The following PDK3 variants were observed in gnomAD, a reference collection of about 807,000 sequenced individuals.
PDK3 encodes the protein pyruvate dehydrogenase kinase 3.
A neutral mutation model predicts 32.0 loss-of-function variants in PDK3; 12 were observed. That is an observed-to-expected ratio of 0.37 (90% confidence interval 0.24 to 0.61). The LOEUF is 0.61. Ranked by LOEUF, PDK3 falls within the 20% of genes least tolerant of loss-of-function variation. The probability of loss-of-function intolerance (pLI) is 0.65; values close to 1 mark genes in which losing one functional copy is unlikely to be tolerated. For synonymous variants in PDK3, 122 were observed against 116.3 expected (o/e 1.05, Z -0.31); for missense variants, 188 against 316.9 (o/e 0.59, Z 3.09).
chrX:24,475,034 T>C (rs147286872), intron 1 of PDK3, among the ~76,000 whole-genome samples: 3,580 of 111,952 alleles, frequency 0.032, 89 homozygotes, highest in South Asian at 0.21. Flanking sequence ...TTTTGCTCCT[T>C]GAAGCCTGAT....
downstream of PDK3, among the ~76,000 whole-genome samples, chrX:24,538,813 T>A (rs1484080536): frequency 9.0e-6 from 1 of 111,484 alleles, no homozygotes; most frequent in Non-Finnish European, 1.9e-5. Context: ...ATTCCATATT[T>A]TTTAGTATAT....
chrX:24,491,072 G>T (rs111261580), intron 1 of PDK3, among the ~76,000 whole-genome samples: 2,215 of 110,102 alleles, frequency 0.02, 62 homozygotes, highest in African/African-American at 0.069. Context: ...CAACAGTTTG[G>T]GAGGCCGAGG....
At chrX:24,490,184 C>G (rs1450489042) in intron 1 of PDK3, among the ~76,000 whole-genome samples, 2 of 111,817 alleles carry the variant, frequency 1.8e-5, no homozygotes, top group African/African-American at 6.5e-5. Flanking sequence ...TGCCACATTG[C>G]CCAGGCTGGT....
At chrX:24,482,584 C>T (rs1921291551) in intron 1 of PDK3, among the ~76,000 whole-genome samples, 1 of 111,928 alleles carries the variant, frequency 8.9e-6, no homozygotes, top group African/African-American at 3.2e-5. Flanking sequence ...TCTCTATTAG[C>T]AATGCTGAGG....
intron 1 of PDK3, among the ~76,000 whole-genome samples, chrX:24,487,116 C>G (rs1921420697): frequency 8.9e-6 from 1 of 112,643 alleles, no homozygotes; most frequent in Non-Finnish European, 1.9e-5. Flanking sequence ...AAAGTAGAAA[C>G]TAAGTTTTTA....
chrX:24,517,774 A>G (rs1922293503), intron 5 of PDK3, among the ~76,000 whole-genome samples: 1 of 111,774 alleles, frequency 8.9e-6, no homozygotes, highest in African/African-American at 3.3e-5. Flanking sequence ...CTTTTATTTT[A>G]TCCTTTAAAA....
rs777866546 is a variant in PDK3 at position 24,541,667 on chromosome X, GTTC to G, written c.*2508_*2510del. 2.2e-4 allele frequency among the ~76,000 whole-genome samples: 25 copies of G among 112,597 alleles called. No individual in the cohort carries two copies. The South Asian group carries it at 4.8e-3, about 22-fold the overall frequency. ...CAAGAAGAGTTTCAGGAACATCTGT[GTTC>G]TTCTGGCTTACTAGCCTCTTTACCC... On this transcript the variant is annotated 3_prime_UTR_variant, in exon 12 of 12. Coordinates refer to the PDK3 transcript ENST00000568479.
intron 3 of PDK3, 105 bp downstream of exon 3, chrX:24,499,005 A>C: frequency 2.3e-6 from 1 of 438,641 alleles, no homozygotes. Context: ...ATGTGGACAA[A>C]AGCGTTCATT....
In PDK3 at chrX:24,518,933, A is replaced by G. The variant is rs776972682; in HGVS notation, c.596A>G (p.Asp199Gly). 5 of 1,181,719 alleles carry G rather than the reference A, an allele frequency of 4.2e-6. No homozygotes were observed. In the African/African-American group the frequency reaches 8.9e-5, roughly 21 times the overall value. The change falls in exon 6 of 11, where the codon GAT becomes GGT. Residue 199 changes from aspartate to glycine, a missense_variant and splice_region_variant. Coordinates refer to ENST00000379162, the MANE Select transcript of PDK3 (RefSeq NM_005391.5). ...PTCNVADVVKDAYETAKMLCE... is the reference protein window; with the variant it reads ...PTCNVADVVKGAYETAKMLCE... ...GCTAAACTTTTTCCTTTTCTTGCAG[A>G]TGCATATGAAACAGCCAAGATGCTG... is the stretch of plus-strand genomic sequence containing the variant.
chrX:24,539,144 A>G, downstream of PDK3: 1 of 1,124,324 alleles, frequency 8.9e-7, no homozygotes, highest in South Asian at 1.9e-5. Flanking sequence ...AGACAAGATC[A>G]AGACTAATAG....
At chrX:24,472,765 G>A (rs1198014277) in intron 1 of PDK3, among the ~76,000 whole-genome samples, 2 of 90,069 alleles carry the variant, frequency 2.2e-5, no homozygotes, top group Non-Finnish European at 4.1e-5. Flanking sequence ...TGGGCTCACC[G>A]CAACCTCCGC....
At chrX:24,539,376 A>G, downstream of PDK3, 1 of 398,166 alleles carries the variant, frequency 2.5e-6, no homozygotes, top group Non-Finnish European at 4.4e-6. Context: ...TTTTAATGAC[A>G]TCTTGCTGTG....
intron 3 of PDK3, 89 bp from the exon 4 acceptor site, chrX:24,503,238 G>A (rs909016867): frequency 4.7e-5 from 25 of 531,426 alleles, no homozygotes; most frequent in Admixed American, 2.0e-4. Flanking sequence ...AATACCAGCA[G>A]ACAACTAGTC....
Position 24,467,660 on chromosome X carries a change from T to G in PDK3, c.106+2099T>G, listed in dbSNP as rs1358276338. Among the ~76,000 whole-genome samples the G allele has an allele frequency of 1.2e-4, 13 of 112,389 alleles. No homozygotes were observed. The Admixed American group carries it at 1.2e-3, about 11-fold the overall frequency. On this transcript the variant is annotated intron_variant, in intron 1 of 10. Coordinates refer to ENST00000379162, the MANE Select transcript of PDK3 (RefSeq NM_005391.5). The stretch of plus-strand genomic sequence containing the variant: ...GGCCATCTCTACTTCTACTTTTCTC[T>G]TAGTTCTGTCTCTTGATAGCAGTTC...
intron 5 of PDK3, among the ~76,000 whole-genome samples, chrX:24,518,662 C>T (rs768206491): frequency 1.8e-5 from 2 of 111,421 alleles, no homozygotes; most frequent in South Asian, 3.8e-4. Flanking sequence ...CTAGCCTAGG[C>T]GATAGAGTGA....
chrX:24,538,161 T>A (rs578255663), downstream of PDK3, among the ~76,000 whole-genome samples: 26 of 112,497 alleles, frequency 2.3e-4, 1 homozygote, highest in South Asian at 9.5e-3. Context: ...TTAAAGGCAA[T>A]TTTTAAACTA....
chrX:24,544,952 A>G (rs1280331121), exon 12 of PDK3, among the ~76,000 whole-genome samples: 1 of 112,229 alleles, frequency 8.9e-6, no homozygotes, highest in Non-Finnish European at 1.9e-5. Context: ...TCAATACGGG[A>G]TTTTTGTTTA....
chrX:24,508,114 A>G (rs1299109144), intron 5 of PDK3, among the ~76,000 whole-genome samples: 1 of 112,220 alleles, frequency 8.9e-6, no homozygotes, highest in African/African-American at 3.2e-5. Context: ...TGCAGGCTGT[A>G]CAAGAGGCAT....
At chrX:24,548,104 A>G (rs1005613051) in exon 12 of PDK3, 1 of 112,290 alleles carries the variant, frequency 8.9e-6, no homozygotes, top group African/African-American at 3.2e-5. Flanking sequence ...CTGGAACTCT[A>G]TTACAGTGTG....
Sources: allele counts gnomAD v4.1 joint callset (sites outside exome capture counted in the v4.1 genomes callset), GRCh38; gene constraint gnomAD v4.1.1; transcripts MANE v1.5; gene names NCBI Gene and HGNC (gene_info 2026-07-23, HGNC 2026-07-21).